Variants in GPHN observed in about 807,000 individuals in gnomAD.
The protein encoded by GPHN is gephyrin.
In GPHN, 17 loss-of-function variants were observed where a neutral mutation model predicts 95.5. The observed-to-expected ratio is 0.18, with a 90% CI of 0.12 to 0.27. The LOEUF (loss-of-function observed/expected upper bound fraction) is 0.27. GPHN is among the 10% of genes least tolerant of loss of function. The probability of loss-of-function intolerance (pLI) is 1.00; values close to 1 mark genes in which losing one functional copy is unlikely to be tolerated. For synonymous variants in GPHN, 320 were observed against 322.5 expected (o/e 0.99, Z 0.08); for missense variants, 660 against 978.1 (o/e 0.67, Z 4.34).
At chr14:67,435,783 C>T in the GPHN span, among the ~76,000 whole-genome samples, 1 of 152,212 alleles carries the variant, frequency 6.6e-6, no homozygotes, top group East Asian at 1.9e-4. Context: ...CCAAGGCCTC[C>T]CATCCCATAA....
the GPHN span, among the ~76,000 whole-genome samples, chr14:67,611,920 C>T: frequency 6.6e-6 from 1 of 152,094 alleles, no homozygotes; most frequent in South Asian, 2.1e-4. Flanking sequence ...GCTTGTTTTC[C>T]TGCAACTAAA....
intron 4 of GPHN, among the ~76,000 whole-genome samples, chr14:66,866,051 G>A (rs879387944): frequency 6.6e-6 from 1 of 152,078 alleles, no homozygotes; most frequent in Non-Finnish European, 1.5e-5. Context: ...TGTGGTTGGT[G>A]CCAGTAGATA....
chr14:67,564,692 C>CAT, the GPHN span, among the ~76,000 whole-genome samples: 1 of 136,764 alleles, frequency 7.3e-6, no homozygotes, highest in Non-Finnish European at 1.6e-5. Context: ...TTTTCTTTTC[C>CAT]TTTTTTTTTT....
At chr14:66,743,995 ACTACTT>A (rs1246402002) in intron 2 of GPHN, among the ~76,000 whole-genome samples, 2 of 152,064 alleles carry the variant, frequency 1.3e-5, no homozygotes, top group Admixed American at 6.5e-5. Flanking sequence ...TATTTACACT[ACTACTT>A]CTCATCCTTT....
intron 21 of GPHN, among the ~76,000 whole-genome samples, chr14:67,175,123 T>C (rs543459220): frequency 1.3e-5 from 2 of 152,220 alleles, no homozygotes; most frequent in Admixed American, 1.3e-4. Context: ...TGCCATTGCT[T>C]TTGGTGTTTT....
chr14:66,660,104 G>A (rs1228796202), intron 1 of GPHN, among the ~76,000 whole-genome samples: 1 of 151,172 alleles, frequency 6.6e-6, no homozygotes, highest in Non-Finnish European at 1.5e-5. Context: ...TCTAGTGTAT[G>A]TGTGTGTGTG....
chr14:67,478,288 C>T, the GPHN span, among the ~76,000 whole-genome samples: 1 of 152,218 alleles, frequency 6.6e-6, no homozygotes, highest in Non-Finnish European at 1.5e-5. Context: ...AAGCCATGCC[C>T]ACCATCATCC....
At chr14:67,646,434 GA>G in the GPHN span, 1 of 528,762 alleles carries the variant, frequency 1.9e-6, no homozygotes, top group Non-Finnish European at 3.4e-6. Flanking sequence ...TTCGTCTTGA[GA>G]AAGCAATACT....
At chr14:66,889,358 C>T (rs1427880378) in intron 5 of GPHN, among the ~76,000 whole-genome samples, 1 of 152,040 alleles carries the variant, frequency 6.6e-6, no homozygotes, top group Non-Finnish European at 1.5e-5. Context: ...AAATAAGTTT[C>T]AATAGGTTTT....
intron 1 of GPHN, among the ~76,000 whole-genome samples, chr14:66,541,589 G>A (rs1435150781): frequency 6.6e-6 from 1 of 152,130 alleles, no homozygotes; most frequent in Non-Finnish European, 1.5e-5. Context: ...TTTTTATGAA[G>A]GAGATCGATC....
At chr14:66,949,050 T>C (rs890484257) in intron 8 of GPHN, among the ~76,000 whole-genome samples, 30 of 152,276 alleles carry the variant, frequency 2.0e-4, no homozygotes, top group African/African-American at 6.7e-4. Context: ...ATATAACCCA[T>C]TTAGGTATTA....
chr14:67,041,178 C>T (rs949101861), intron 10 of GPHN, among the ~76,000 whole-genome samples: 1 of 152,034 alleles, frequency 6.6e-6, no homozygotes, highest in African/African-American at 2.4e-5. Context: ...CTACTTTGGG[C>T]CTTATTGGTA....
At chr14:67,571,773 A>ATGCC in the GPHN span, 1 of 1,613,956 alleles carries the variant, frequency 6.2e-7, no homozygotes, top group Non-Finnish European at 8.5e-7. Context: ...GATCAGCAAC[A>ATGCC]TGCCCTTTAT....
chr14:66,801,580 A>ACT (rs149626370), intron 3 of GPHN, among the ~76,000 whole-genome samples: 3 of 34,604 alleles, frequency 8.7e-5, no homozygotes, highest in South Asian at 2.4e-3. Flanking sequence ...CCCTCTCCCC[A>ACT]CTCTCTCTCT....
Position 66,961,881 on chromosome 14 carries a change from C to A in GPHN, c.829-3310C>A, listed in dbSNP as rs556866776. The stretch of plus-strand genomic sequence containing the variant: ...GAAGGTATTCATACCCTATAACCAA[C>A]CATTCTATCCCTGAATGTGTATATA... On this transcript the variant is annotated intron_variant, in intron 8 of 22. Transcript: ENST00000478722. 1.0e-4 allele frequency among the ~76,000 whole-genome samples: 12 copies of A among 115,288 alleles called. 1 individual carries two copies. The South Asian group carries it at 3.2e-3, about 31-fold the overall frequency. The allele number at this position is 115,288 out of a possible 152,430, so 75.6% of individuals were successfully genotyped here.
intron 1 of GPHN, among the ~76,000 whole-genome samples, chr14:66,553,734 G>A (rs1372929696): frequency 1.3e-5 from 2 of 151,904 alleles, no homozygotes; most frequent in Non-Finnish European, 2.9e-5. Context: ...GGGCCACCAC[G>A]CCCGCCTAAT....
chr14:67,486,513 T>G, the GPHN span, among the ~76,000 whole-genome samples: 1 of 152,158 alleles, frequency 6.6e-6, no homozygotes, highest in Non-Finnish European at 1.5e-5. Context: ...GACCTTGCGA[T>G]CCACCCACCT....
chr14:66,711,768 G>C (rs1302775297), intron 2 of GPHN, among the ~76,000 whole-genome samples: 1 of 150,954 alleles, frequency 6.6e-6, no homozygotes, highest in East Asian at 1.9e-4. Context: ...AGGCCCCAGT[G>C]TGTGATGTTC....
At chr14:66,633,357 A>G (rs1266972517) in intron 1 of GPHN, among the ~76,000 whole-genome samples, 1 of 152,188 alleles carries the variant, frequency 6.6e-6, no homozygotes, top group Non-Finnish European at 1.5e-5. Flanking sequence ...ATCAACAAAA[A>G]GTGTTTTATT....
Sources: gnomAD v4.1 joint callset for allele counts (sites outside exome capture counted in the v4.1 genomes callset) on GRCh38, gnomAD v4.1.1 for gene constraint, MANE v1.5 for transcripts, NCBI Gene and HGNC (gene_info 2026-07-23, HGNC 2026-07-21) for gene names.